The following WT1 variants were observed in gnomAD, a reference collection of about 807,000 sequenced individuals.
The protein encoded by WT1 is Wilms tumor protein.
In WT1, 8 loss-of-function variants were observed where a neutral mutation model predicts 60.8. The ratio of observed to expected loss-of-function variants is 0.13; its 90% CI spans 0.08 to 0.24. The LOEUF is 0.24. Among genes scored for constraint, WT1 ranks in the 10% least tolerant of loss-of-function variants. The pLI is 1.00. For synonymous variants in WT1, 312 were observed against 297.1 expected, an observed-to-expected ratio of 1.05 and a Z score of -0.52; for missense variants, 568 against 711.8, an observed-to-expected ratio of 0.80 and a Z score of 2.30.
At position 32,388,787 on chromosome 11, in the gene WT1, T is replaced by C; in HGVS notation, c.*271A>G. Reference sequence around the variant, plus strand: ...CTATGGCTCTTCTTACAGTAGAAAATCCACACCAAATGGCAATGGGCTTTT... The same window carrying C: ...CTATGGCTCTTCTTACAGTAGAAAACCCACACCAAATGGCAATGGGCTTTT... On this transcript the variant is annotated 3_prime_UTR_variant, in exon 10 of 10. Coordinates refer to ENST00000452863, the MANE Select transcript of WT1 (RefSeq NM_024426.6). 1.8e-6 allele frequency: 1 copy of C among 545,098 alleles called. No homozygotes were observed. The highest frequency in any genetic ancestry group is 3.2e-5 in the East Asian group (1 of 31,376). The allele number at this position is 545,098 out of a possible 1,614,324, so 33.8% of individuals were successfully genotyped here.
intron 4 of WT1, 70 bp from the exon 5 acceptor site, chr11:32,416,610 A>G (rs1389910636): frequency 6.3e-7 from 1 of 1,582,540 alleles, no homozygotes; most frequent in East Asian, 2.2e-5. Context: ...CCCAGATCCC[A>G]GAATCCAGTG....
chr11:32,430,925 G>A (rs968745389), intron 1 of WT1: 41 of 1,027,158 alleles, frequency 4.0e-5, no homozygotes, highest in Non-Finnish European at 4.8e-5. Flanking sequence ...GAGTGCGGGG[G>A]CAGGGGCCAG....
At position 32,434,765 on chromosome 11, in the gene WT1, C is replaced by G. The variant is rs765879407; in HGVS notation, c.596G>C (p.Arg199Thr). 2 of 1,612,838 alleles carry G rather than the reference C, an allele frequency of 1.2e-6. No individual in the cohort carries two copies. The highest frequency in any genetic ancestry group is 2.2e-5 in the South Asian group (2 of 91,048). ...CAGGTAGGGCGCGTTAGGAAACATC[C>G]TGGCCTGGCCGGATGACGCCTGGCT... is the stretch of plus-strand genomic sequence containing the variant. Residue 199 changes from arginine (R) to threonine (T), a missense_variant, in exon 1 of 10, where the codon AGG becomes ACG. Transcript: ENST00000452863.
In WT1 at chr11:32,434,712, T is replaced by A. The variant is rs1384974578; in HGVS notation, c.649A>T (p.Ile217Phe). Residue 217 changes from isoleucine (I) to phenylalanine (F), a missense_variant, in exon 1 of 10, where the codon ATT (isoleucine) becomes TTT (phenylalanine). Physicochemically the swap from Ile to Phe is conservative, Grantham distance 21. Around this residue, in one of 3 missense-constraint regions of WT1, gnomAD observed 523 missense variants for 565.1 expected, o/e 0.93. Coordinates refer to ENST00000452863, the MANE Select transcript of WT1 (RefSeq NM_024426.6). ...CCGGCCTACTTACCCTGATTGCGAA[T>A]AGCGGGCTGGCTCTCGAGGCAGCTG... 3.1e-6 allele frequency: 5 copies of A among 1,612,804 alleles called. No individual in the cohort carries two copies. Among genetic ancestry groups the A allele is most frequent in the Non-Finnish European group, 4.2e-6 (5 of 1,179,930 alleles).
chr11:32,427,843 A>AC, intron 3 of WT1, 113 bp downstream of exon 3: 1 of 926,534 alleles, frequency 1.1e-6, no homozygotes, highest in Non-Finnish European at 1.6e-6. Flanking sequence ...TGCCTCCAAG[A>AC]CCCTGCATGC....
At position 32,434,899 on chromosome 11, in the gene WT1, C is replaced by T. The variant is rs2133103125; in HGVS notation, c.462G>A (p.Ala154=). 8 of 1,611,444 alleles carry T rather than the reference C, an allele frequency of 5.0e-6. No individual in the cohort carries two copies. The highest frequency in any genetic ancestry group is 6.8e-6 in the Non-Finnish European group (8 of 1,179,610). The change falls in exon 1 of 10, where the codon GCG becomes GCA. Residue 154 remains alanine, a synonymous_variant. Coordinates refer to ENST00000452863, the MANE Select transcript of WT1 (RefSeq NM_024426.6). ...TCAGGCACTGCTCCTCGTGCGGCTC[C>T]GCGCCGCCCCAGCTCGGCTCCTGTT...
chr11:32,399,994 C>T lies in WT1; in HGVS notation c.1067G>A (p.Gly356Glu), dbSNP rs760654956. 36 of 1,614,208 alleles carry T rather than the reference C, an allele frequency of 2.2e-5. No homozygotes were observed. The highest frequency in any genetic ancestry group is 2.9e-5 in the Non-Finnish European group (34 of 1,180,048). ...GTGCGTGTGTATTCTGTATTGGGCT[C>T]CGCAGAGGATGGGCGTTGTGTGGTT... Residue 356 changes from glycine to glutamate, a missense_variant, in exon 6 of 10, where the codon GGA becomes GAA. Gly to Glu is a moderately conservative substitution (Grantham distance 98). Around this residue, in one of 3 missense-constraint regions of WT1, gnomAD observed 523 missense variants for 565.1 expected, o/e 0.93. Coordinates refer to ENST00000452863, the MANE Select transcript of WT1 (RefSeq NM_024426.6).
intron 5 of WT1, among the ~76,000 whole-genome samples, chr11:32,408,209 C>G (rs11031771): frequency 8.7e-6 from 1 of 115,550 alleles, no homozygotes; most frequent in Non-Finnish European, 1.7e-5. Flanking sequence ...GAAACTCCAT[C>G]TCAGAAAAAA....
chr11:32,391,625 A>G (rs906368954), intron 9 of WT1, among the ~76,000 whole-genome samples: 3 of 152,232 alleles, frequency 2.0e-5, no homozygotes, highest in African/African-American at 7.2e-5. Context: ...GCTTGCTAGA[A>G]TTTCTGCTGC....
chr11:32,405,392 A>C (rs1852276980), intron 5 of WT1, among the ~76,000 whole-genome samples: 1 of 151,940 alleles, frequency 6.6e-6, no homozygotes, highest in Admixed American at 6.6e-5. Context: ...AATAAAACAC[A>C]CACTCTAGAT....
At chr11:32,427,427 AC>A (rs907975593) in intron 3 of WT1, among the ~76,000 whole-genome samples, 4 of 152,128 alleles carry the variant, frequency 2.6e-5, no homozygotes, top group African/African-American at 9.7e-5. Context: ...TCCGTCCTGC[AC>A]CCCGGCCGGG....
chr11:32,409,154 C>T (rs532136675), intron 5 of WT1, among the ~76,000 whole-genome samples: 1 of 152,198 alleles, frequency 6.6e-6, no homozygotes, highest in East Asian at 1.9e-4. Context: ...ACAGATGCCC[C>T]TAGATCAACA....
chr11:32,434,325 T>G (rs921883446), intron 1 of WT1, among the ~76,000 whole-genome samples: 13 of 152,176 alleles, frequency 8.5e-5, no homozygotes, highest in African/African-American at 3.1e-4. Context: ...TGGTGACAAT[T>G]TGGCGTTTCC....
intron 3 of WT1, among the ~76,000 whole-genome samples, chr11:32,418,125 G>A (rs1297620027): frequency 6.6e-6 from 1 of 151,804 alleles, no homozygotes; most frequent in East Asian, 1.9e-4. Flanking sequence ...TCAGAGTGAT[G>A]GGTGATAAAT....
chr11:32,392,206 C>T (rs908074629), intron 8 of WT1, 142 bp from the exon 9 acceptor site: 1 of 768,098 alleles, frequency 1.3e-6, no homozygotes, highest in Non-Finnish European at 2.3e-6. Context: ...CTTAGATTTC[C>T]CCAGTCCCCC....
rs776814761 is a variant in WT1, at chr11:32,388,109, G to T, written c.*949C>A. 5.5e-5 allele frequency: 13 copies of T among 234,724 alleles called. No individual in the cohort carries two copies. The highest frequency in any genetic ancestry group is 8.4e-5 in the Non-Finnish European group (10 of 119,132). The allele number at this position is 234,724 out of a possible 1,614,324, so 14.5% of individuals were successfully genotyped here. A position where few individuals can be genotyped will look rare whatever the true frequency, so the allele number is the denominator to read the frequency against. ...TTTCACATATACTTGTAGACCCAAA[G>T]GTCCTTAAGTTACTTAAAAACAGTC... On this transcript the variant is annotated 3_prime_UTR_variant, in exon 10 of 10. Transcript: ENST00000452863.
chr11:32,394,717 G>A (rs1328642822), intron 7 of WT1, among the ~76,000 whole-genome samples: 1 of 152,100 alleles, frequency 6.6e-6, no homozygotes, highest in East Asian at 1.9e-4. Context: ...CTCTTTCAAG[G>A]GGGACTGTAG....
Position 32,400,928 on chromosome 11 carries a change from T to A in WT1, c.1017-884A>T, listed in dbSNP as rs1233927785. Among the ~76,000 whole-genome samples, 3 of 152,228 alleles carry A rather than the reference T, an allele frequency of 2.0e-5. No individual in the cohort carries two copies. The East Asian group carries it at 5.8e-4, about 29-fold the overall frequency. ...TAGCTCTGTGAAATGATGCAGCTGC[T>A]TTGCAAAATATCTGGCAGTTCCTCA... On this transcript the variant is annotated intron_variant, in intron 5 of 9. Coordinates refer to ENST00000452863, the MANE Select transcript of WT1 (RefSeq NM_024426.6).
chr11:32,426,827 G>T (rs1853059254), intron 3 of WT1, among the ~76,000 whole-genome samples: 1 of 152,196 alleles, frequency 6.6e-6, no homozygotes, highest in Admixed American at 6.5e-5. Flanking sequence ...GCTCACTCTC[G>T]TAAAGGCAGC....
Sources: gnomAD v4.1 joint callset for allele counts (sites outside exome capture counted in the v4.1 genomes callset) on GRCh38, gnomAD v4.1.1 for gene constraint, gnomAD v4.1.1 regional missense constraint, MANE v1.5 for transcripts, NCBI Gene and HGNC (gene_info 2026-07-23, HGNC 2026-07-21) for gene names.